The following SLC35F3 variants were observed in gnomAD, a reference collection of about 807,000 sequenced individuals.
The protein encoded by SLC35F3 is putative thiamine transporter SLC35F3.
SLC35F3 carries 25 observed loss-of-function variants against 49.9 expected under a neutral mutation model. The observed-to-expected ratio is 0.50, with a 90% CI of 0.37 to 0.70. The LOEUF (loss-of-function observed/expected upper bound fraction) is 0.70. Among genes scored for constraint, SLC35F3 ranks in the 30% least tolerant of loss-of-function variants. The pLI, the probability that SLC35F3 is intolerant of heterozygous loss-of-function variation, is 0.00. For synonymous variants in SLC35F3, 275 were observed against 265.4 expected, an observed-to-expected ratio of 1.04 and a Z score of -0.35; for missense variants, 525 against 639.8, an observed-to-expected ratio of 0.82 and a Z score of 1.94.
intron 2 of SLC35F3, among the ~76,000 whole-genome samples, chr1:234,191,286 C>T (rs1197238453): frequency 6.6e-6 from 1 of 152,064 alleles, no homozygotes; most frequent in East Asian, 1.9e-4. Flanking sequence ...AAATTAACTC[C>T]AAAAGGAAAC....
At chr1:234,171,655 A>G (rs1052104554) in intron 2 of SLC35F3, among the ~76,000 whole-genome samples, 1 of 152,196 alleles carries the variant, frequency 6.6e-6, no homozygotes, top group Admixed American at 6.5e-5. Flanking sequence ...AACAGAGGAC[A>G]CTAGAGGCTG....
At chr1:234,270,157 C>T (rs982586318) in intron 3 of SLC35F3, among the ~76,000 whole-genome samples, 1 of 152,214 alleles carries the variant, frequency 6.6e-6, no homozygotes, top group Non-Finnish European at 1.5e-5. Flanking sequence ...TACATGAAGA[C>T]TAATACCTCC....
At chr1:234,165,239 G>T (rs1398958062) in intron 2 of SLC35F3, among the ~76,000 whole-genome samples, 1 of 152,032 alleles carries the variant, frequency 6.6e-6, no homozygotes, top group Non-Finnish European at 1.5e-5. Flanking sequence ...ACTTAAATTT[G>T]CTTATGAGTA....
intron 2 of SLC35F3, among the ~76,000 whole-genome samples, chr1:234,079,905 G>A (rs1242408829): frequency 3.3e-5 from 5 of 152,154 alleles, no homozygotes; most frequent in African/African-American, 9.7e-5. Flanking sequence ...TTTTGTCTCT[G>A]GTTTCTGTAA....
In SLC35F3 at chr1:234,323,272, G is replaced by A. The variant is rs201145009; in HGVS notation, c.*29G>A. Reference sequence around the variant, plus strand: ...CACTCCTCTAGAACTCGGTGGTAATGACTGGGAGGTCTATTCCTGCCGGGA... The same window carrying A: ...CACTCCTCTAGAACTCGGTGGTAATAACTGGGAGGTCTATTCCTGCCGGGA... On this transcript the variant is annotated 3_prime_UTR_variant, in exon 8 of 8. Transcript: ENST00000366618. The surrounding 1 kb of genome is among the most constrained non-coding windows in gnomAD (Gnocchi z 4.5). 105 of 1,591,084 alleles carry A rather than the reference G, an allele frequency of 6.6e-5. No individual in the cohort carries two copies. In the Admixed American group the frequency reaches 7.7e-4, roughly 12 times the overall value.
intron 2 of SLC35F3, among the ~76,000 whole-genome samples, chr1:234,153,174 AAGAATCTT>A (rs1264499020): frequency 1.3e-5 from 2 of 152,242 alleles, no homozygotes; most frequent in African/African-American, 4.8e-5. Context: ...ACACTTCCTA[AAGAATCTT>A]CTGGAAACCA....
At chr1:234,150,177 A>G (rs1666056303) in intron 2 of SLC35F3, among the ~76,000 whole-genome samples, 1 of 152,260 alleles carries the variant, frequency 6.6e-6, no homozygotes, top group Non-Finnish European at 1.5e-5. Flanking sequence ...AATTGTCCGC[A>G]TTTAAATTGT....
intron 2 of SLC35F3, among the ~76,000 whole-genome samples, chr1:234,177,907 G>A: frequency 6.6e-6 from 1 of 152,200 alleles, no homozygotes; most frequent in East Asian, 1.9e-4. Flanking sequence ...TGCAATCATA[G>A]TACAGTTTTG....
chr1:233,943,624 T>G (rs1662465227), intron 2 of SLC35F3, among the ~76,000 whole-genome samples: 1 of 152,220 alleles, frequency 6.6e-6, no homozygotes, highest in Admixed American at 6.5e-5. Flanking sequence ...CCATTGAATT[T>G]AAAAATGCAA....
chr1:233,999,622 C>G (rs949276985), intron 2 of SLC35F3, among the ~76,000 whole-genome samples: 1 of 152,054 alleles, frequency 6.6e-6, no homozygotes, highest in African/African-American at 2.4e-5. Context: ...CCACTTATCC[C>G]TTCCGGCCCT....
intron 2 of SLC35F3, among the ~76,000 whole-genome samples, chr1:233,941,968 T>TG (rs1447152424): frequency 1.3e-5 from 2 of 149,528 alleles, no homozygotes; most frequent in Non-Finnish European, 3.0e-5. Flanking sequence ...TTTTGTTTTT[T>TG]TTTTTTTTTT....
chr1:233,987,956 G>T (rs926230617), intron 2 of SLC35F3, among the ~76,000 whole-genome samples: 2 of 152,050 alleles, frequency 1.3e-5, no homozygotes, highest in African/African-American at 4.8e-5. Context: ...AGTCTTGAAG[G>T]TTAATAATTA....
intron 2 of SLC35F3, among the ~76,000 whole-genome samples, chr1:234,094,098 T>C (rs2102878629): frequency 6.6e-6 from 1 of 152,298 alleles, no homozygotes. Flanking sequence ...CAGACTGTGG[T>C]CTCCTGTGCC....
intron 2 of SLC35F3, among the ~76,000 whole-genome samples, chr1:233,943,566 T>C (rs1230453943): frequency 6.6e-6 from 1 of 152,234 alleles, no homozygotes; most frequent in Non-Finnish European, 1.5e-5. Context: ...CATCAAAGTG[T>C]AGGCACAGGA....
intron 3 of SLC35F3, among the ~76,000 whole-genome samples, chr1:234,280,950 T>C (rs1379589699): frequency 6.6e-6 from 1 of 152,134 alleles, no homozygotes; most frequent in Non-Finnish European, 1.5e-5. Flanking sequence ...GGGGCTCCCA[T>C]ATGAAGGGCT....
rs1018839089 is a variant in SLC35F3, at chr1:234,214,600, G to C, written c.284-16817G>C. ...GTAATGCGCGGCCGCCTCGCCCCGGGGGTCCCTGCACCCTAGCCGGGGAAT... is the reference window on the plus strand; with the variant it reads ...GTAATGCGCGGCCGCCTCGCCCCGGCGGTCCCTGCACCCTAGCCGGGGAAT... On this transcript the variant is annotated intron_variant, in intron 2 of 7. Transcript: ENST00000366618. This position sits in a 1 kb window ranked among gnomAD's most constrained non-coding sequence, Gnocchi z 8.0. 1.3e-6 allele frequency: 2 copies of C among 1,521,648 alleles called. No homozygotes were observed. The highest frequency in any genetic ancestry group is 1.4e-5 in the African/African-American group (1 of 69,956). 94.3% of individuals were successfully genotyped at this position (1,521,648 alleles called of 1,614,324 possible).
At chr1:234,068,986 A>G (rs1348229093) in intron 2 of SLC35F3, among the ~76,000 whole-genome samples, 2 of 121,796 alleles carry the variant, frequency 1.6e-5, no homozygotes, top group African/African-American at 6.6e-5. Flanking sequence ...ATTTTACTAC[A>G]TATAATATAT....
intron 2 of SLC35F3, among the ~76,000 whole-genome samples, chr1:234,069,203 TTTATATA>T (rs1216820069): frequency 2.8e-5 from 4 of 140,966 alleles, no homozygotes; most frequent in African/African-American, 1.0e-4. Context: ...TAAATACATA[TTTATATA>T]TTATATTATA....
chr1:234,174,684 C>T (rs1369698648), intron 2 of SLC35F3, among the ~76,000 whole-genome samples: 3 of 152,144 alleles, frequency 2.0e-5, no homozygotes, highest in Admixed American at 1.3e-4. Context: ...ACCAGAGATC[C>T]GGCAGAAAGC....
Sources: gnomAD v4.1 joint callset for allele counts (sites outside exome capture counted in the v4.1 genomes callset) on GRCh38, gnomAD v4.1.1 for gene constraint, Gnocchi (gnomAD v3.1) non-coding constraint, MANE v1.5 for transcripts, NCBI Gene and HGNC (gene_info 2026-07-23, HGNC 2026-07-21) for gene names.